Variants in ENTREP2 observed in about 807,000 individuals in gnomAD.
ENTREP2 encodes the protein protein ENTREP2.
the ENTREP2 span, among the ~76,000 whole-genome samples, chr15:29,585,950 A>C: frequency 2.0e-5 from 3 of 152,146 alleles, no homozygotes; most frequent in Non-Finnish European, 4.4e-5. Context: ...CATATGACTC[A>C]GCAATTCCAG....
At chr15:29,138,218 C>T in the ENTREP2 span, among the ~76,000 whole-genome samples, 1 of 152,038 alleles carries the variant, frequency 6.6e-6, no homozygotes, top group African/African-American at 2.4e-5. Flanking sequence ...ACTGGCCAAC[C>T]TTGAACACCG....
the ENTREP2 span, among the ~76,000 whole-genome samples, chr15:29,335,579 T>C: frequency 6.6e-6 from 1 of 152,260 alleles, no homozygotes; most frequent in South Asian, 2.1e-4. Flanking sequence ...ACAGCTCTGA[T>C]TTCAAGAGGT....
the ENTREP2 span, among the ~76,000 whole-genome samples, chr15:29,619,709 CTT>C: frequency 2.0e-5 from 3 of 152,122 alleles, no homozygotes; most frequent in Admixed American, 6.5e-5. Context: ...GCTTCACTCT[CTT>C]GTCCCATGCA....
chr15:29,132,379 G>C, the ENTREP2 span, among the ~76,000 whole-genome samples: 1 of 152,172 alleles, frequency 6.6e-6, no homozygotes, highest in South Asian at 2.1e-4. Context: ...CCAGGCCATG[G>C]GGTCAAAGAC....
At chr15:29,158,257 G>A in the ENTREP2 span, among the ~76,000 whole-genome samples, 1 of 152,108 alleles carries the variant, frequency 6.6e-6, no homozygotes, top group East Asian at 1.9e-4. Context: ...TCTCATGAAA[G>A]GTATTCATTT....
At chr15:29,412,478 A>C in the ENTREP2 span, among the ~76,000 whole-genome samples, 1 of 152,062 alleles carries the variant, frequency 6.6e-6, no homozygotes, top group African/African-American at 2.4e-5. Flanking sequence ...CTTATTCCTG[A>C]TTTTAAAGGG....
the ENTREP2 span, among the ~76,000 whole-genome samples, chr15:29,223,758 G>A: frequency 6.6e-6 from 1 of 152,112 alleles, no homozygotes; most frequent in Non-Finnish European, 1.5e-5. Flanking sequence ...TGGTTCTGGA[G>A]CCCCTGCGCC....
the ENTREP2 span, among the ~76,000 whole-genome samples, chr15:29,607,408 C>T: frequency 6.6e-6 from 1 of 151,654 alleles, no homozygotes; most frequent in South Asian, 2.1e-4. Flanking sequence ...TATTGACATC[C>T]ATCAAATGTA....
the ENTREP2 span, among the ~76,000 whole-genome samples, chr15:29,332,068 C>T: frequency 3.9e-5 from 6 of 152,068 alleles, no homozygotes; most frequent in African/African-American, 1.2e-4. Context: ...TTTAGGTGTA[C>T]AGTAAGATAA....
the ENTREP2 span, among the ~76,000 whole-genome samples, chr15:29,403,044 G>A: frequency 1.9e-4 from 29 of 152,220 alleles, no homozygotes; most frequent in South Asian, 4.8e-3. Context: ...AAACAATGGC[G>A]GCCAGTCTGA....
the ENTREP2 span, among the ~76,000 whole-genome samples, chr15:29,663,414 G>A: frequency 6.6e-6 from 1 of 152,184 alleles, no homozygotes; most frequent in East Asian, 1.9e-4. Context: ...ACATGCACAT[G>A]TATGTTTATT....
At chr15:29,363,003 G>A in the ENTREP2 span, among the ~76,000 whole-genome samples, 1 of 152,030 alleles carries the variant, frequency 6.6e-6, no homozygotes, top group Non-Finnish European at 1.5e-5. Flanking sequence ...TTTCATAAAC[G>A]AGGTGGGAGG....
chr15:29,291,525 A>C, the ENTREP2 span, among the ~76,000 whole-genome samples: 1 of 152,158 alleles, frequency 6.6e-6, no homozygotes, highest in African/African-American at 2.4e-5. Context: ...CTAATTCCTG[A>C]GCCCTTGCAG....
the ENTREP2 span, among the ~76,000 whole-genome samples, chr15:29,232,651 CCCG>C: frequency 1.4e-5 from 2 of 145,860 alleles, no homozygotes; most frequent in Admixed American, 1.4e-4. Flanking sequence ...CACCACCACA[CCCG>C]CCTAATTAAA....
the ENTREP2 span, among the ~76,000 whole-genome samples, chr15:29,434,898 G>T: frequency 6.6e-6 from 1 of 152,124 alleles, no homozygotes; most frequent in African/African-American, 2.4e-5. Flanking sequence ...ACCATGGCCC[G>T]AGTGTTAGGC....
the ENTREP2 span, among the ~76,000 whole-genome samples, chr15:29,577,179 C>T: frequency 6.6e-6 from 1 of 151,734 alleles, no homozygotes; most frequent in Non-Finnish European, 1.5e-5. Context: ...GAAATTAGAA[C>T]CCTTGTGCAT....
At chr15:29,230,425 C>T in the ENTREP2 span, among the ~76,000 whole-genome samples, 1 of 152,000 alleles carries the variant, frequency 6.6e-6, no homozygotes, top group East Asian at 1.9e-4. Context: ...TGATTTTAGG[C>T]AGAGAGGAAA....
At chr15:29,179,537 T>A in the ENTREP2 span, among the ~76,000 whole-genome samples, 31 of 151,404 alleles carry the variant, frequency 2.0e-4, no homozygotes, top group Non-Finnish European at 3.8e-4. Context: ...CATCGGAGTC[T>A]GCGTGGTGTT....
chr15:29,632,330 C>T, the ENTREP2 span, among the ~76,000 whole-genome samples: 1 of 152,330 alleles, frequency 6.6e-6, no homozygotes, highest in South Asian at 2.1e-4. Flanking sequence ...AGTGAATCTA[C>T]TTGTCTAGGA....
Sources: gnomAD v4.1 joint callset for allele counts (sites outside exome capture counted in the v4.1 genomes callset) on GRCh38, gnomAD v4.1.1 for gene constraint, MANE v1.5 for transcripts, NCBI Gene and HGNC (gene_info 2026-07-23, HGNC 2026-07-21) for gene names.